The following CCBE1 variants were observed in gnomAD, a reference collection of about 807,000 sequenced individuals.
The protein encoded by CCBE1 is collagen and calcium-binding EGF domain-containing protein 1.
CCBE1 carries 37 observed loss-of-function variants against 50.0 expected under a neutral mutation model. The ratio of observed to expected loss-of-function variants is 0.74; its 90% CI spans 0.57 to 0.97. CCBE1 has a LOEUF of 0.97. Among genes scored for constraint, CCBE1 ranks in the 50% least tolerant of loss-of-function variants. CCBE1 has a pLI of 0.00. For synonymous variants in CCBE1, 234 were observed against 203.7 expected (o/e 1.15, Z -1.27); for missense variants, 538 against 523.8 (o/e 1.03, Z -0.26).
intron 2 of CCBE1, among the ~76,000 whole-genome samples, chr18:59,537,894 G>T (rs1484514218): frequency 6.6e-6 from 1 of 152,186 alleles, no homozygotes; most frequent in Admixed American, 6.5e-5. Context: ...TTTCCTGTTT[G>T]TAAAGTAGAG....
chr18:59,508,392 G>A (rs1018312611), intron 2 of CCBE1, among the ~76,000 whole-genome samples: 18 of 151,948 alleles, frequency 1.2e-4, no homozygotes, highest in Admixed American at 2.6e-4. Flanking sequence ...GAGGTCAGGA[G>A]TGAGACCAGC....
At chr18:59,657,166 A>C (rs1037218943) in intron 2 of CCBE1, among the ~76,000 whole-genome samples, 2 of 152,160 alleles carry the variant, frequency 1.3e-5, no homozygotes, top group African/African-American at 4.8e-5. Context: ...TGCTACAACA[A>C]ATGGTTTCAG....
chr18:59,552,093 G>A (rs975170952), intron 2 of CCBE1, among the ~76,000 whole-genome samples: 14 of 152,316 alleles, frequency 9.2e-5, no homozygotes, highest in South Asian at 6.2e-4. Flanking sequence ...GCCAGCTACC[G>A]TCTGGCCCTT....
chr18:59,565,055 C>A (rs541288529), intron 2 of CCBE1, among the ~76,000 whole-genome samples: 3 of 152,086 alleles, frequency 2.0e-5, no homozygotes, highest in Admixed American at 6.5e-5. Context: ...TAACACAAGC[C>A]CCTGAGGGAG....
intron 2 of CCBE1, among the ~76,000 whole-genome samples, chr18:59,508,664 G>C (rs1016884830): frequency 6.8e-6 from 1 of 147,016 alleles, no homozygotes; most frequent in African/African-American, 2.5e-5. Context: ...AGCATGAAGA[G>C]ATAACTTATG....
intron 2 of CCBE1, among the ~76,000 whole-genome samples, chr18:59,642,356 G>A (rs993312708): frequency 2.6e-5 from 4 of 152,072 alleles, no homozygotes; most frequent in East Asian, 1.9e-4. Context: ...GTGAAATAAT[G>A]GGAGTCTTCT....
chr18:59,501,237 G>A (rs986189783), intron 2 of CCBE1, among the ~76,000 whole-genome samples: 1 of 152,224 alleles, frequency 6.6e-6, no homozygotes, highest in African/African-American at 2.4e-5. Context: ...AGTCGATGGT[G>A]ATTTTGGGGA....
chr18:59,597,399 G>A (rs147485727), intron 2 of CCBE1, among the ~76,000 whole-genome samples: 1 of 152,218 alleles, frequency 6.6e-6, no homozygotes, highest in Non-Finnish European at 1.5e-5. Flanking sequence ...GAGGCATTTA[G>A]AGAATTTACT....
chr18:59,587,331 T>C (rs960877584), intron 2 of CCBE1, among the ~76,000 whole-genome samples: 2 of 152,176 alleles, frequency 1.3e-5, no homozygotes, highest in Non-Finnish European at 2.9e-5. Context: ...AATGGAAGTG[T>C]AACACTGAAA....
In CCBE1 at chr18:59,621,399, C is replaced by T. The variant is rs1391197294; in HGVS notation, c.212+75230G>A. Among the ~76,000 whole-genome samples, 4 of 152,176 alleles carry T rather than the reference C, an allele frequency of 2.6e-5. No individual in the cohort carries two copies. The East Asian group carries it at 7.7e-4, about 29-fold the overall frequency. ...CACTGCCTGACCACCTGCTCTGGGGCCATTGGAGTCATTGGTTTTATCCTC... is the reference window on the plus strand; with the variant it reads ...CACTGCCTGACCACCTGCTCTGGGGTCATTGGAGTCATTGGTTTTATCCTC... On this transcript the variant is annotated intron_variant, in intron 2 of 10. Transcript: ENST00000439986.
At chr18:59,556,923 T>C (rs2052664755) in intron 2 of CCBE1, among the ~76,000 whole-genome samples, 2 of 152,244 alleles carry the variant, frequency 1.3e-5, no homozygotes, top group South Asian at 4.1e-4. Context: ...GAATTGTATT[T>C]CTCAGAATTC....
At chr18:59,438,863 C>T (rs1036960579) in intron 9 of CCBE1, among the ~76,000 whole-genome samples, 5 of 152,130 alleles carry the variant, frequency 3.3e-5, no homozygotes, top group Non-Finnish European at 7.4e-5. Flanking sequence ...AGTGAGAGAC[C>T]TTCAGGCCGG....
chr18:59,687,232 A>C (rs191397690), intron 2 of CCBE1, among the ~76,000 whole-genome samples: 1 of 152,344 alleles, frequency 6.6e-6, no homozygotes, highest in East Asian at 1.9e-4. Flanking sequence ...TCTTCGAGGA[A>C]ATAGCGCTAG....
At chr18:59,477,378 G>C (rs1231491795) in intron 3 of CCBE1, among the ~76,000 whole-genome samples, 1 of 152,200 alleles carries the variant, frequency 6.6e-6, no homozygotes, top group East Asian at 1.9e-4. Context: ...AAAGAACCAC[G>C]ATCAGGCGAG....
chr18:59,593,096 G>A (rs901535903), intron 2 of CCBE1, among the ~76,000 whole-genome samples: 10 of 152,162 alleles, frequency 6.6e-5, no homozygotes, highest in African/African-American at 2.4e-4. Flanking sequence ...GACATGGAGG[G>A]ACATCTAAGG....
intron 2 of CCBE1, among the ~76,000 whole-genome samples, chr18:59,593,007 T>C (rs2053296258): frequency 6.6e-6 from 1 of 152,160 alleles, no homozygotes; most frequent in African/African-American, 2.4e-5. Flanking sequence ...GATGCGTACA[T>C]GGGCAATAAA....
At chr18:59,514,429 C>A (rs974456421) in intron 2 of CCBE1, among the ~76,000 whole-genome samples, 1 of 152,102 alleles carries the variant, frequency 6.6e-6, no homozygotes, top group Non-Finnish European at 1.5e-5. Context: ...TGTTTTCCTG[C>A]AGTTCAGCCT....
At position 59,437,231 on chromosome 18, in the gene CCBE1, G is replaced by A. The variant is rs141056931; in HGVS notation, c.987+880C>T. Among the ~76,000 whole-genome samples, 157 of 152,348 alleles carry A rather than the reference G, an allele frequency of 1.0e-3. 2 individuals carry two copies. The highest frequency in any genetic ancestry group is 3.8e-3 in the African/African-American group (156 of 41,580). On this transcript the variant is annotated intron_variant, in intron 10 of 10. Coordinates refer to ENST00000439986, the MANE Select transcript of CCBE1 (RefSeq NM_133459.4). Reference sequence around the variant, plus strand: ...AAAAAAGAAATGCACAAACACGCATGTTCTGGGCTTGTCAGAAGCTTGTAG... The same window carrying A: ...AAAAAAGAAATGCACAAACACGCATATTCTGGGCTTGTCAGAAGCTTGTAG...
intron 2 of CCBE1, among the ~76,000 whole-genome samples, chr18:59,554,852 A>T (rs764471365): frequency 3.9e-5 from 6 of 152,210 alleles, no homozygotes; most frequent in Non-Finnish European, 8.8e-5. Context: ...AGTGCAGGTC[A>T]TGGCCCTTCT....
Sources: allele counts gnomAD v4.1 joint callset (sites outside exome capture counted in the v4.1 genomes callset), GRCh38; gene constraint gnomAD v4.1.1; transcripts MANE v1.5; gene names NCBI Gene and HGNC (gene_info 2026-07-23, HGNC 2026-07-21).